YWHAG: variants seen among roughly 807,000 people sequenced by gnomAD.
The protein encoded by YWHAG is tyrosine 3-monooxygenase/tryptophan 5-monooxygenase activation protein gamma.
YWHAG carries 1 observed loss-of-function variant against 23.3 expected under a neutral mutation model. The observed-to-expected ratio is 0.04, with a 90% CI of 0.02 to 0.20. The LOEUF is 0.20. YWHAG is among the 10% of genes least tolerant of loss of function. YWHAG has a pLI of 1.00. For synonymous variants in YWHAG, 160 were observed against 144.0 expected, an observed-to-expected ratio of 1.11 and a Z score of -0.80; for missense variants, 151 against 338.6, an observed-to-expected ratio of 0.45 and a Z score of 4.35.
At chr7:76,348,323 A>G (rs1803818403) in intron 1 of YWHAG, among the ~76,000 whole-genome samples, 2 of 149,056 alleles carry the variant, frequency 1.3e-5, no homozygotes, top group African/African-American at 2.5e-5. Flanking sequence ...CAGTGGCACA[A>G]TCTCAGCTCA....
rs1238052894 is a variant in YWHAG, at chr7:76,329,190, G to A, written c.*387C>T. Reference sequence around the variant, plus strand: ...AGAAAGTACCCAAAACGAGAGACGAGAGCGTATGTACATAAAAATCCTTAC... The same window carrying A: ...AGAAAGTACCCAAAACGAGAGACGAAAGCGTATGTACATAAAAATCCTTAC... On this transcript the variant is annotated 3_prime_UTR_variant, in exon 2 of 2. Transcript: ENST00000307630. The surrounding 1 kb of genome is among the most constrained non-coding windows in gnomAD (Gnocchi z 6.1). 5.2e-6 allele frequency: 1 copy of A among 192,086 alleles called. No individual in the cohort carries two copies. Among genetic ancestry groups the A allele is most frequent in the Non-Finnish European group, 1.1e-5 (1 of 92,938 alleles). The allele number at this position is 192,086 out of a possible 1,614,324, so 11.9% of individuals were successfully genotyped here.
In YWHAG at chr7:76,329,469, G is replaced by A; in HGVS notation, c.*108C>T. The stretch of plus-strand genomic sequence containing the variant: ...CAGGACAGGTCGTGGGTTTCTCCCT[G>A]GGAAGGTCATCCCTCCCTTTCCCTC... On this transcript the variant is annotated 3_prime_UTR_variant, in exon 2 of 2. Transcript: ENST00000307630. The surrounding 1 kb of genome is among the most constrained non-coding windows in gnomAD (Gnocchi z 6.1). 7.6e-7 allele frequency: 1 copy of A among 1,322,536 alleles called. No homozygotes were observed. The highest frequency in any genetic ancestry group is 1.0e-6 in the Non-Finnish European group (1 of 990,148). The allele number at this position is 1,322,536 out of a possible 1,614,324, so 81.9% of individuals were successfully genotyped here. A position where few individuals can be genotyped will look rare whatever the true frequency, so the allele number is the denominator to read the frequency against.
intron 1 of YWHAG, among the ~76,000 whole-genome samples, chr7:76,346,774 CA>C (rs1803784986): frequency 6.6e-6 from 1 of 152,060 alleles, no homozygotes; most frequent in Non-Finnish European, 1.5e-5. Flanking sequence ...CTCGCCACAC[CA>C]AAAATTAGAT....
intron 1 of YWHAG, among the ~76,000 whole-genome samples, chr7:76,352,070 A>G (rs7800881): frequency 0.11 from 16,867 of 152,218 alleles, 1,708 homozygotes; most frequent in African/African-American, 0.27. Context: ...CACTGCAAAG[A>G]CATGCTCACT....
intron 1 of YWHAG, among the ~76,000 whole-genome samples, chr7:76,355,388 T>C (rs148190199): frequency 1.3e-3 from 197 of 152,340 alleles, no homozygotes; most frequent in African/African-American, 4.6e-3. Flanking sequence ...TGAATCTCAG[T>C]AGAATTCAAA....
chr7:76,328,982 A>C lies in YWHAG; in HGVS notation c.*595T>G, dbSNP rs1485108963. The C allele has an allele frequency of 1.3e-5, 2 of 152,812 alleles. No homozygotes were observed. The allele number at this position is 152,812 out of a possible 1,614,324, so 9.5% of individuals were successfully genotyped here. A position where few individuals can be genotyped will look rare whatever the true frequency, so the allele number is the denominator to read the frequency against. On this transcript the variant is annotated 3_prime_UTR_variant, in exon 2 of 2. Transcript: ENST00000307630. ...TGTTACATATGGCTGTAATGTAGAA[A>C]TACTGTAAACTGCAATTTAGTGTTA... is the stretch of plus-strand genomic sequence containing the variant.
chr7:76,355,205 G>A (rs926713782), intron 1 of YWHAG, among the ~76,000 whole-genome samples: 2 of 152,216 alleles, frequency 1.3e-5, no homozygotes, highest in African/African-American at 4.8e-5. Context: ...CTATGTGACA[G>A]TTATGTTACG....
intron 1 of YWHAG, among the ~76,000 whole-genome samples, chr7:76,355,190 T>C (rs1369083643): frequency 6.6e-6 from 1 of 152,242 alleles, no homozygotes; most frequent in Non-Finnish European, 1.5e-5. Flanking sequence ...TGAAATCTGA[T>C]GTGACTATGT....
rs1024755207 is a variant in YWHAG, at chr7:76,332,325, A to G, written c.88-2092T>C. On this transcript the variant is annotated intron_variant, in intron 1 of 1. Coordinates refer to ENST00000307630, the MANE Select transcript of YWHAG (RefSeq NM_012479.4). ...GCACTGACGATCTGTCATCCAGCAG[A>G]CCGCTGTCACTCATGCTGAATTCTG... 2.6e-5 allele frequency among the ~76,000 whole-genome samples: 4 copies of G among 152,140 alleles called. No homozygotes were observed. The East Asian group carries it at 7.7e-4, about 29-fold the overall frequency.
intron 1 of YWHAG, among the ~76,000 whole-genome samples, chr7:76,356,146 C>A (rs1320669207): frequency 6.6e-6 from 1 of 152,206 alleles, no homozygotes; most frequent in African/African-American, 2.4e-5. Context: ...AGAGAGCTCA[C>A]TTGAGTGGTA....
rs187439410 is a variant in YWHAG at position 76,358,646 on chromosome 7, A to C, written c.87+76T>G. The C allele has an allele frequency of 1.2e-3, 1,746 of 1,407,670 alleles. 12 individuals carry two copies. In the African/African-American group the frequency reaches 0.021, roughly 17 times the overall value. The allele number at this position is 1,407,670 out of a possible 1,614,324, so 87.2% of individuals were successfully genotyped here. ...ACCCGCCATCGCGACAGGGCGACGA[A>C]GCCCCGGGCCTTCCACGCCAAGGAC... On this transcript the variant is annotated intron_variant, in intron 1 of 1. Transcript: ENST00000307630.
rs1803480550 is a variant in YWHAG at position 76,328,127 on chromosome 7, A to G, written c.*1450T>C. On this transcript the variant is annotated 3_prime_UTR_variant, in exon 2 of 2. Coordinates refer to ENST00000307630, the MANE Select transcript of YWHAG (RefSeq NM_012479.4). ...AAGAATGCACATGCGGGCCACGTTC[A>G]CAGATAGACAGATTCACCCGAAATG... is the stretch of plus-strand genomic sequence containing the variant. 6.6e-6 allele frequency: 1 copy of G among 152,192 alleles called. No individual in the cohort carries two copies. Among genetic ancestry groups the G allele is most frequent in the Admixed American group, 6.5e-5 (1 of 15,274 alleles). 9.4% of individuals were successfully genotyped at this position (152,192 alleles called of 1,614,324 possible). A position where few individuals can be genotyped will look rare whatever the true frequency, so the allele number is the denominator to read the frequency against.
At chr7:76,334,579 T>C (rs1289582766) in intron 1 of YWHAG, among the ~76,000 whole-genome samples, 1 of 151,644 alleles carries the variant, frequency 6.6e-6, no homozygotes, top group Non-Finnish European at 1.5e-5. Flanking sequence ...CCACGCCCCC[T>C]AATTTTTGTA....
At chr7:76,353,988 G>A (rs746651913) in intron 1 of YWHAG, among the ~76,000 whole-genome samples, 8 of 149,264 alleles carry the variant, frequency 5.4e-5, no homozygotes, top group African/African-American at 1.7e-4. Context: ...CTGGAGGGTC[G>A]CTTTAGCCTG....
rs567803562 is a variant in YWHAG, at chr7:76,327,591, T to C, written c.*1986A>G. The C allele has an allele frequency of 6.6e-6, 1 of 150,410 alleles. No individual in the cohort carries two copies. The highest frequency in any genetic ancestry group is 1.5e-5 in the Non-Finnish European group (1 of 67,902). The allele number at this position is 150,410 out of a possible 1,614,324, so 9.3% of individuals were successfully genotyped here. On this transcript the variant is annotated 3_prime_UTR_variant, in exon 2 of 2. Coordinates refer to ENST00000307630, the MANE Select transcript of YWHAG (RefSeq NM_012479.4). Reference sequence around the variant, plus strand: ...TAGGTTTTGTAATTCCAGTAAATCATTTCCAAATGCTACAAGGAAAAACGC... The same window carrying C: ...TAGGTTTTGTAATTCCAGTAAATCACTTCCAAATGCTACAAGGAAAAACGC...
At chr7:76,342,375 T>C (rs926188413) in intron 1 of YWHAG, among the ~76,000 whole-genome samples, 2 of 152,164 alleles carry the variant, frequency 1.3e-5, no homozygotes, top group Non-Finnish European at 1.5e-5. Flanking sequence ...AGCACTCCCT[T>C]CCTTCTTACA....
chr7:76,333,641 C>T (rs1310783492), intron 1 of YWHAG, among the ~76,000 whole-genome samples: 1 of 152,178 alleles, frequency 6.6e-6, no homozygotes, highest in Non-Finnish European at 1.5e-5. Flanking sequence ...TAGTTCCATA[C>T]AGCCTGAAAA....
chr7:76,347,013 T>A (rs976322697), intron 1 of YWHAG, among the ~76,000 whole-genome samples: 1 of 152,150 alleles, frequency 6.6e-6, no homozygotes, highest in Non-Finnish European at 1.5e-5. Flanking sequence ...GCCCTCTGCC[T>A]GGCTATTCCT....
intron 1 of YWHAG, among the ~76,000 whole-genome samples, chr7:76,342,337 A>T (rs1367793236): frequency 6.6e-6 from 1 of 152,182 alleles, no homozygotes; most frequent in African/African-American, 2.4e-5. Context: ...TCTGAAATGC[A>T]GATAATCCAC....
Sources: gnomAD v4.1 joint callset for allele counts (sites outside exome capture counted in the v4.1 genomes callset) on GRCh38, gnomAD v4.1.1 for gene constraint, Gnocchi (gnomAD v3.1) non-coding constraint, MANE v1.5 for transcripts, NCBI Gene and HGNC (gene_info 2026-07-23, HGNC 2026-07-21) for gene names.